MICU3: variants seen among roughly 807,000 people sequenced by gnomAD.
MICU3 encodes the protein mitochondrial calcium uptake 3, also known as calcium uptake protein 3, mitochondrial.
A neutral mutation model predicts 66.5 loss-of-function variants in MICU3; 62 were observed. The ratio of observed to expected loss-of-function variants is 0.93; its 90% confidence interval spans 0.76 to 1.15. The LOEUF is 1.15. MICU3 is among the 50% of genes most tolerant of loss of function. The pLI, the probability that MICU3 is intolerant of heterozygous loss-of-function variation, is 0.00. For missense variants in MICU3, 779 were observed against 664.4 expected, an observed-to-expected ratio of 1.17 and a Z score of -1.90; for synonymous variants, 308 against 240.7, an observed-to-expected ratio of 1.28 and a Z score of -2.59.
chr8:17,033,870 AAAT>A (rs778248180), intron 1 of MICU3, among the ~76,000 whole-genome samples: 2 of 152,214 alleles, frequency 1.3e-5, no homozygotes, highest in Non-Finnish European at 2.9e-5. Context: ...GGTGAAGTGG[AAAT>A]GATGATGTGC....
At position 17,101,467 on chromosome 8, in the gene MICU3, T is replaced by C. The variant is rs140196328; in HGVS notation, c.984+2914T>C. ...ATTTCTCTGATGTCACTGTTACTTA[T>C]GCCTCATTGGATCTGGATTATCTGG... On this transcript the variant is annotated intron_variant, in intron 9 of 14. Coordinates refer to ENST00000318063, the MANE Select transcript of MICU3 (RefSeq NM_181723.3). 1.1e-3 allele frequency among the ~76,000 whole-genome samples: 165 copies of C among 152,000 alleles called. 4 individuals are homozygous for C. Among genetic ancestry groups the C allele is most frequent in the African/African-American group, 3.7e-3 (154 of 41,510 alleles).
chr8:17,095,921 A>G (rs1375166410), intron 8 of MICU3, among the ~76,000 whole-genome samples: 1 of 152,010 alleles, frequency 6.6e-6, no homozygotes, highest in Non-Finnish European at 1.5e-5. Context: ...AGTTCTATCA[A>G]TAACAGACTC....
rs1003609429 is a variant in MICU3, at chr8:17,086,990, T to C, written c.804T>C (p.Asn268=). 29 of 1,605,710 alleles carry C rather than the reference T, an allele frequency of 1.8e-5. No homozygotes were observed. Among genetic ancestry groups the C allele is most frequent in the Admixed American group, 1.0e-4 (6 of 59,680 alleles). The change falls in exon 7 of 15, where the codon AAT becomes AAC. Residue 268 remains asparagine (N), a synonymous_variant. Transcript: ENST00000318063. The part of the protein sequence containing the change: ...LVLQEIFRKK[N]EKREIKGDEE... The stretch of plus-strand genomic sequence containing the variant: ...TTCAAGAGATATTCAGGAAAAAAAA[T>C]GAAAAGAGAGAAATTAAAGGAGATG...
At chr8:17,047,361 CAT>C (rs778505184) in intron 1 of MICU3, among the ~76,000 whole-genome samples, 5 of 152,080 alleles carry the variant, frequency 3.3e-5, no homozygotes, top group East Asian at 1.9e-4. Context: ...ATATTTTTAA[CAT>C]GTGGAAAATA....
At chr8:17,113,585 T>C (rs143042037) in intron 11 of MICU3, among the ~76,000 whole-genome samples, 11 of 152,332 alleles carry the variant, frequency 7.2e-5, no homozygotes, top group African/African-American at 2.2e-4. Flanking sequence ...CAGGAACAAG[T>C]GTGAATACAC....
In MICU3 at chr8:17,116,562, AT is replaced by A; in HGVS notation, c.1488del (p.Ile496MetfsTer4). The A allele has an allele frequency of 1.3e-6, 2 of 1,567,152 alleles. No individual in the cohort carries two copies. Among genetic ancestry groups the A allele is most frequent in the Middle Eastern group, 3.4e-4 (2 of 5,932 alleles). On this transcript the variant is annotated frameshift_variant, in exon 13 of 15. Transcript: ENST00000318063. LOFTEE classifies it high-confidence loss of function. Reference protein sequence around the residue: ...KDDQLSYKEFIGIMKDRLHRG... With the variant: ...KDDQLSYKEFXGIMKDRLHRG... The stretch of plus-strand genomic sequence containing the variant: ...TGATCAATTAAGTTATAAAGAATTT[AT>A]TGGAATTATGAAAGACAGACTCCAT...
chr8:17,122,685 C>T (rs1377659745), downstream of MICU3: 1 of 151,974 alleles, frequency 6.6e-6, no homozygotes, highest in East Asian at 1.9e-4. Context: ...CTAATAATGA[C>T]TTTCTGAAAA....
At chr8:17,129,932 T>C in the MICU3 span, among the ~76,000 whole-genome samples, 11 of 152,038 alleles carry the variant, frequency 7.2e-5, no homozygotes, top group Admixed American at 7.2e-4. Flanking sequence ...TCAGTAATAA[T>C]GGAGAACAGA....
intron 1 of MICU3, among the ~76,000 whole-genome samples, chr8:17,029,676 A>C (rs1330042215): frequency 6.6e-6 from 1 of 151,784 alleles, no homozygotes; most frequent in Non-Finnish European, 1.5e-5. Context: ...AACTTTTATG[A>C]TCTGTTTATC....
At chr8:17,031,701 C>T (rs577371090) in intron 1 of MICU3, among the ~76,000 whole-genome samples, 1 of 152,228 alleles carries the variant, frequency 6.6e-6, no homozygotes, top group East Asian at 1.9e-4. Flanking sequence ...TGCTGCTGAG[C>T]ATAAGCCTGG....
chr8:17,105,565 A>C lies in MICU3; in HGVS notation c.1238A>C (p.Tyr413Ser). The change falls in exon 11 of 15, where the codon TAC becomes TCC. Residue 413 changes from tyrosine to serine, a missense_variant. Tyr to Ser is a moderately radical substitution (Grantham distance 144). Coordinates refer to ENST00000318063, the MANE Select transcript of MICU3 (RefSeq NM_181723.3). Reference sequence around the variant, plus strand: ...TCAGTATTTTTAGAAAATGTGCGTTACAGTATACCTGAAGAAAAGGTATCT... The same window carrying C: ...TCAGTATTTTTAGAAAATGTGCGTTCCAGTATACCTGAAGAAAAGGTATCT... ...NTSVFLENVR[Y>S]SIPEEKGITF... 6.5e-7 allele frequency: 1 copy of C among 1,541,854 alleles called. No individual in the cohort carries two copies. Among genetic ancestry groups the C allele is most frequent in the Non-Finnish European group, 8.7e-7 (1 of 1,144,756 alleles).
At chr8:17,035,937 A>C (rs1812896812) in intron 1 of MICU3, among the ~76,000 whole-genome samples, 1 of 152,158 alleles carries the variant, frequency 6.6e-6, no homozygotes. Flanking sequence ...CCCACCCACC[A>C]CAGACCTGGA....
intron 1 of MICU3, among the ~76,000 whole-genome samples, chr8:17,046,101 A>C (rs1815033221): frequency 1.3e-5 from 2 of 152,218 alleles, no homozygotes; most frequent in African/African-American, 4.8e-5. Flanking sequence ...TGCTGTAGCA[A>C]ATTATTTGAA....
At chr8:17,114,605 G>A (rs186801395) in intron 12 of MICU3, among the ~76,000 whole-genome samples, 1 of 152,282 alleles carries the variant, frequency 6.6e-6, no homozygotes, top group Non-Finnish European at 1.5e-5. Flanking sequence ...AATAAATACA[G>A]TGGTCATAGA....
chr8:17,033,532 G>A (rs566736128), intron 1 of MICU3, among the ~76,000 whole-genome samples: 51 of 152,176 alleles, frequency 3.4e-4, no homozygotes, highest in African/African-American at 1.2e-3. Context: ...GCCTCGCCGG[G>A]TTCATACCAT....
intron 1 of MICU3, among the ~76,000 whole-genome samples, chr8:17,042,900 T>C (rs138317402): frequency 0.051 from 7,718 of 151,258 alleles, 259 homozygotes; most frequent in Non-Finnish European, 0.075. Flanking sequence ...TTATAATAGA[T>C]GGTTTAAACT....
chr8:17,089,281 C>A (rs1799796208), intron 7 of MICU3, among the ~76,000 whole-genome samples: 1 of 151,980 alleles, frequency 6.6e-6, no homozygotes, highest in African/African-American at 2.4e-5. Context: ...TATAGCTCTC[C>A]AAATAGTCAT....
At chr8:17,131,898 T>C in the MICU3 span, 2 of 152,324 alleles carry the variant, frequency 1.3e-5, no homozygotes, top group South Asian at 4.1e-4. Context: ...AATTTGGAGC[T>C]AAGAGGAAAT....
downstream of MICU3, among the ~76,000 whole-genome samples, chr8:17,127,288 T>G (rs1803429411): frequency 6.6e-6 from 1 of 152,218 alleles, no homozygotes; most frequent in Non-Finnish European, 1.5e-5. Context: ...ATTTGTGCTG[T>G]AATATTTAAT....
Sources: gnomAD v4.1 joint callset for allele counts (sites outside exome capture counted in the v4.1 genomes callset) on GRCh38, gnomAD v4.1.1 for gene constraint, MANE v1.5 for transcripts, NCBI Gene and HGNC (gene_info 2026-07-23, HGNC 2026-07-21) for gene names.